The following SBNO1 variants were observed in gnomAD, a reference collection of about 807,000 sequenced individuals.
SBNO1 encodes the protein strawberry notch homolog 1, also known as protein strawberry notch homolog 1.
In SBNO1, 23 loss-of-function variants were observed where a neutral mutation model predicts 173.6. The observed-to-expected ratio is 0.13, with a 90% CI of 0.10 to 0.19. The LOEUF is 0.19. Ranked by LOEUF, SBNO1 falls within the 10% of genes least tolerant of loss-of-function variation. The pLI is 1.00. For synonymous variants in SBNO1, 632 were observed against 571.5 expected (o/e 1.11, Z -1.51); for missense variants, 1,238 against 1,671.2 (o/e 0.74, Z 4.52).
chr12:123,308,869 C>T (rs971648857), intron 28 of SBNO1, among the ~76,000 whole-genome samples: 5 of 152,076 alleles, frequency 3.3e-5, no homozygotes, highest in Non-Finnish European at 5.9e-5. Flanking sequence ...TTTGGAAGGC[C>T]GAGGCAGGCA....
intron 1 of SBNO1, among the ~76,000 whole-genome samples, chr12:123,361,407 A>G (rs1555253214): frequency 7.1e-6 from 1 of 141,592 alleles, no homozygotes; most frequent in Non-Finnish European, 1.5e-5. Context: ...AGTTAACCAG[A>G]CGTGGTGGCT....
intron 4 of SBNO1, 30 bp downstream of exon 4, chr12:123,345,228 G>T (rs761870126): frequency 1.3e-6 from 2 of 1,565,182 alleles, no homozygotes; most frequent in South Asian, 2.3e-5. Flanking sequence ...ACCAGAGAGA[G>T]AAAGTTGATA....
chr12:123,329,720 G>C (rs1437874926), intron 9 of SBNO1, among the ~76,000 whole-genome samples: 1 of 152,114 alleles, frequency 6.6e-6, no homozygotes, highest in African/African-American at 2.4e-5. Context: ...CCACTGTTTA[G>C]GGCAACACTG....
Position 123,294,628 on chromosome 12 carries a change from T to C in SBNO1, c.*1280A>G, listed in dbSNP as rs1352529596. The C allele has an allele frequency of 2.6e-5, 2 of 75,728 alleles. No individual in the cohort carries two copies. The highest frequency in any genetic ancestry group is 4.5e-5 in the Non-Finnish European group (2 of 44,606). 4.7% of individuals were successfully genotyped at this position (75,728 alleles called of 1,614,324 possible). On this transcript the variant is annotated 3_prime_UTR_variant, in exon 32 of 32. Coordinates refer to ENST00000602398, the MANE Select transcript of SBNO1 (RefSeq NM_001167856.3). ...CTCGATTTTTCAATAGTGCAACCTG[T>C]GGAAGCAAAAAAAAAAAAAAAAAAA...
In SBNO1 at chr12:123,320,643, G is replaced by C. The variant is rs777358981; in HGVS notation, c.2492-36C>G. 5.3e-5 allele frequency: 84 copies of C among 1,599,592 alleles called. 1 individual carries two copies. Among genetic ancestry groups the C allele is most frequent in the Non-Finnish European group, 6.6e-5 (77 of 1,174,466 alleles). The stretch of plus-strand genomic sequence containing the variant: ...AACATTTGCTAAAAGTTAGTACAAA[G>C]TTTAAATATTTTTGTTTAAAACAGT... On this transcript the variant is annotated intron_variant, in intron 18 of 31. Transcript: ENST00000602398.
chr12:123,352,380 C>T (rs897546902), intron 1 of SBNO1, among the ~76,000 whole-genome samples: 6 of 152,194 alleles, frequency 3.9e-5, no homozygotes, highest in Non-Finnish European at 7.3e-5. Context: ...GGCGCGGTCT[C>T]GGCTCACTGC....
chr12:123,345,221 A>C (rs1328220777), intron 4 of SBNO1, 37 bp downstream of exon 4: 2 of 1,536,340 alleles, frequency 1.3e-6, no homozygotes, highest in African/African-American at 2.7e-5. Context: ...ATAGCTTACC[A>C]GAGAGAGAAA....
At chr12:123,343,768 C>A (rs934931933) in intron 4 of SBNO1, among the ~76,000 whole-genome samples, 1 of 152,046 alleles carries the variant, frequency 6.6e-6, no homozygotes, top group African/African-American at 2.4e-5. Flanking sequence ...GAACTCCTGA[C>A]CTCGTGATCC....
intron 7 of SBNO1, among the ~76,000 whole-genome samples, chr12:123,333,494 T>C (rs898332718): frequency 1.3e-5 from 2 of 152,014 alleles, no homozygotes; most frequent in African/African-American, 2.4e-5. Flanking sequence ...CACACACATA[T>C]ACATATATAT....
intron 17 of SBNO1, among the ~76,000 whole-genome samples, chr12:123,321,131 G>C (rs1314476310): frequency 6.6e-6 from 1 of 152,058 alleles, no homozygotes; most frequent in East Asian, 1.9e-4. Flanking sequence ...TAGAGATGGG[G>C]TTTTTCCACG....
At chr12:123,308,396 T>C (rs1033667677) in intron 28 of SBNO1, among the ~76,000 whole-genome samples, 10 of 151,898 alleles carry the variant, frequency 6.6e-5, no homozygotes, top group African/African-American at 2.4e-4. Context: ...GTTGGCCAGG[T>C]GCAGTGGCTC....
At chr12:123,340,728 T>C (rs1050168734) in intron 5 of SBNO1, among the ~76,000 whole-genome samples, 10 of 152,186 alleles carry the variant, frequency 6.6e-5, no homozygotes, top group East Asian at 5.8e-4. Context: ...TGTCTTTTTT[T>C]CTGCTCAGAT....
At chr12:123,356,059 C>A (rs903859620) in intron 1 of SBNO1, among the ~76,000 whole-genome samples, 1 of 152,138 alleles carries the variant, frequency 6.6e-6, no homozygotes, top group Non-Finnish European at 1.5e-5. Flanking sequence ...TGAGCAGACA[C>A]CAGGGACATG....
intron 5 of SBNO1, among the ~76,000 whole-genome samples, chr12:123,337,634 CA>C (rs954036280): frequency 7.2e-5 from 11 of 152,106 alleles, no homozygotes; most frequent in Non-Finnish European, 1.5e-5. Flanking sequence ...GGAATGTTCT[CA>C]GAAATTATGC....
intron 20 of SBNO1, 42 bp downstream of exon 20, chr12:123,319,858 G>A (rs1434772761): frequency 1.3e-6 from 2 of 1,576,632 alleles, no homozygotes; most frequent in African/African-American, 1.4e-5. Context: ...TAAATATACA[G>A]GCATTGTTCT....
chr12:123,310,154 G>A (rs2049016435), intron 25 of SBNO1, among the ~76,000 whole-genome samples: 1 of 152,208 alleles, frequency 6.6e-6, no homozygotes, highest in Non-Finnish European at 1.5e-5. Flanking sequence ...ATTCTCAACT[G>A]TAGTGGCACT....
chr12:123,298,975 C>A (rs2048692741), intron 30 of SBNO1, among the ~76,000 whole-genome samples: 1 of 152,190 alleles, frequency 6.6e-6, no homozygotes, highest in Non-Finnish European at 1.5e-5. Context: ...GTAACCCCAG[C>A]ACTTTGGGAG....
intron 24 of SBNO1, among the ~76,000 whole-genome samples, chr12:123,311,693 T>C (rs11057257): frequency 1.8e-5 from 1 of 56,318 alleles, no homozygotes; most frequent in African/African-American, 6.5e-5. Context: ...ACAAGTAACC[T>C]ATCTATCTAT....
At chr12:123,296,105 C>T in intron 31 of SBNO1, 55 bp from the exon 32 acceptor site, 1 of 1,117,046 alleles carries the variant, frequency 9.0e-7, no homozygotes, top group Non-Finnish European at 1.3e-6. Flanking sequence ...CCACACTGTA[C>T]AGCTTCACAG....
Sources: allele counts gnomAD v4.1 joint callset (sites outside exome capture counted in the v4.1 genomes callset), GRCh38; gene constraint gnomAD v4.1.1; transcripts MANE v1.5; gene names NCBI Gene and HGNC (gene_info 2026-07-23, HGNC 2026-07-21).